Variants in CLEC16A observed in about 807,000 individuals in gnomAD.
CLEC16A encodes the protein C-type lectin domain containing 16A.
A neutral mutation model predicts 109.5 loss-of-function variants in CLEC16A; 51 were observed. The ratio of observed to expected loss-of-function variants is 0.47; its 90% confidence interval spans 0.37 to 0.59. The LOEUF is 0.59. CLEC16A is among the 20% of genes least tolerant of loss of function. The pLI, the probability that CLEC16A is intolerant of heterozygous loss-of-function variation, is 0.00. For missense variants in CLEC16A, 1,339 were observed against 1,394.0 expected, an observed-to-expected ratio of 0.96 and a Z score of 0.63; for synonymous variants, 673 against 564.2, an observed-to-expected ratio of 1.19 and a Z score of -2.73.
At chr16:11,027,794 G>A (rs540630936) in intron 13 of CLEC16A, 2 of 920,958 alleles carry the variant, frequency 2.2e-6, no homozygotes, top group East Asian at 2.5e-5. Flanking sequence ...GTATATTTTT[G>A]ATCAATGAAG....
chr16:11,178,986 G>A lies in CLEC16A; in HGVS notation c.*296G>A, dbSNP rs1052727695. The A allele has an allele frequency of 2.8e-6, 1 of 361,726 alleles. No individual in the cohort carries two copies. Among genetic ancestry groups the A allele is most frequent in the Non-Finnish European group, 5.0e-6 (1 of 201,890 alleles). The allele number at this position is 361,726 out of a possible 1,614,324, so 22.4% of individuals were successfully genotyped here. The stretch of plus-strand genomic sequence containing the variant: ...TGGGCTCCGTGTCTCTGAGCCCCGG[G>A]TGGCAGGACCCACCGGCACCTCTTT... On this transcript the variant is annotated 3_prime_UTR_variant, in exon 24 of 24. Coordinates refer to ENST00000409790, the MANE Select transcript of CLEC16A (RefSeq NM_015226.3). The surrounding 1 kb of genome is among the most constrained non-coding windows in gnomAD (Gnocchi z 6.5).
At chr16:11,157,370 C>A (rs1049445551) in intron 22 of CLEC16A, 31 of 349,024 alleles carry the variant, frequency 8.9e-5, no homozygotes, top group African/African-American at 6.5e-4. Context: ...GAAGTGGCTT[C>A]TTCAGCACCA....
In CLEC16A at chr16:11,180,354, A is replaced by G. The variant is rs1392648893; in HGVS notation, c.*1664A>G. Reference sequence around the variant, plus strand: ...CCACCCAGCCTTCATGGCTGCAGGTACAAGGACCTTTGCTTCCATAGAGAA... The same window carrying G: ...CCACCCAGCCTTCATGGCTGCAGGTGCAAGGACCTTTGCTTCCATAGAGAA... On this transcript the variant is annotated 3_prime_UTR_variant, in exon 24 of 24. Transcript: ENST00000409790. The G allele has an allele frequency of 2.0e-5, 3 of 152,328 alleles. No homozygotes were observed. The highest frequency in any genetic ancestry group is 4.4e-5 in the Non-Finnish European group (3 of 68,114). The allele number at this position is 152,328 out of a possible 1,614,324, so 9.4% of individuals were successfully genotyped here.
intron 23 of CLEC16A, among the ~76,000 whole-genome samples, chr16:11,170,851 G>A (rs540207683): frequency 1.3e-5 from 2 of 152,328 alleles, no homozygotes; most frequent in South Asian, 4.1e-4. Context: ...TACAAACCGT[G>A]ACAAAGGAAA....
chr16:11,149,403 T>C (rs2054203090), intron 22 of CLEC16A, among the ~76,000 whole-genome samples: 1 of 152,114 alleles, frequency 6.6e-6, no homozygotes, highest in African/African-American at 2.4e-5. Flanking sequence ...GAAGAAAGCA[T>C]TGTTAATATT....
chr16:11,095,965 C>G (rs569286005), intron 19 of CLEC16A, among the ~76,000 whole-genome samples: 1 of 152,144 alleles, frequency 6.6e-6, no homozygotes, highest in Non-Finnish European at 1.5e-5. Flanking sequence ...GCTAGGACTG[C>G]AGGTGCACAC....
chr16:10,984,927 C>A (rs959914817), intron 10 of CLEC16A, among the ~76,000 whole-genome samples: 1 of 152,140 alleles, frequency 6.6e-6, no homozygotes, highest in Admixed American at 6.5e-5. Context: ...GCCCGCTGGG[C>A]ACGGTGGCTC....
intron 11 of CLEC16A, among the ~76,000 whole-genome samples, chr16:11,017,365 G>A (rs2045821965): frequency 6.6e-6 from 1 of 152,160 alleles, no homozygotes; most frequent in Admixed American, 6.5e-5. Flanking sequence ...CAGTAAAGAA[G>A]CAGAACAATA....
intron 5 of CLEC16A, 76 bp from the exon 6 acceptor site, chr16:10,972,478 C>G: frequency 7.1e-7 from 1 of 1,404,232 alleles, no homozygotes; most frequent in Non-Finnish European, 1.0e-6. Flanking sequence ...TCTCACCTTC[C>G]CAGGTCCTAA....
Position 11,174,011 on chromosome 16 carries a change from C to T in CLEC16A, c.2807-4324C>T, listed in dbSNP as rs562679308. On this transcript the variant is annotated intron_variant, in intron 23 of 23. Coordinates refer to ENST00000409790, the MANE Select transcript of CLEC16A (RefSeq NM_015226.3). This position sits in a 1 kb window ranked among gnomAD's most constrained non-coding sequence, Gnocchi z 4.7. Reference sequence around the variant, plus strand: ...CCAGCGCCCCATGCACCGGTGGCCACAAGCCCATGCTGGGCACTGCCCCAC... The same window carrying T: ...CCAGCGCCCCATGCACCGGTGGCCATAAGCCCATGCTGGGCACTGCCCCAC... 4 of 353,394 alleles carry T rather than the reference C, an allele frequency of 1.1e-5. No homozygotes were observed. 21.9% of individuals were successfully genotyped at this position (353,394 alleles called of 1,614,324 possible). A position where few individuals can be genotyped will look rare whatever the true frequency, so the allele number is the denominator to read the frequency against.
At chr16:11,018,413 G>A (rs2045894229) in intron 11 of CLEC16A, among the ~76,000 whole-genome samples, 4 of 152,106 alleles carry the variant, frequency 2.6e-5, no homozygotes, top group African/African-American at 7.2e-5. Flanking sequence ...TGGTGTGAGA[G>A]CCTTCCAGGC....
At chr16:11,103,780 C>G (rs9924707) in intron 19 of CLEC16A, among the ~76,000 whole-genome samples, 4,302 of 152,114 alleles carry the variant, frequency 0.028, 211 homozygotes, top group African/African-American at 0.098. Flanking sequence ...CTCTGTGGTC[C>G]TCTTTGCCAA....
intron 19 of CLEC16A, among the ~76,000 whole-genome samples, chr16:11,078,004 TG>T (rs2049485400): frequency 1.3e-5 from 2 of 149,932 alleles, no homozygotes; most frequent in Non-Finnish European, 3.0e-5. Context: ...TGTGTGTGTG[TG>T]TGTGTTTAGA....
chr16:11,058,698 C>G (rs1013628538), intron 18 of CLEC16A, among the ~76,000 whole-genome samples: 6 of 152,022 alleles, frequency 3.9e-5, no homozygotes, highest in African/African-American at 1.4e-4. Context: ...ATATTGGGAG[C>G]CAAATTCTGA....
chr16:11,016,420 C>T (rs1364922852), intron 11 of CLEC16A, among the ~76,000 whole-genome samples: 2 of 151,072 alleles, frequency 1.3e-5, no homozygotes, highest in African/African-American at 4.9e-5. Context: ...CCAATCTTGG[C>T]TCACTGCAAC....
At chr16:11,086,555 G>A (rs1030625682) in intron 19 of CLEC16A, among the ~76,000 whole-genome samples, 1 of 151,984 alleles carries the variant, frequency 6.6e-6, no homozygotes, top group Admixed American at 6.6e-5. Context: ...TTGTTTGTTT[G>A]TTTTGAGACG....
intron 19 of CLEC16A, among the ~76,000 whole-genome samples, chr16:11,090,094 C>A (rs899745355): frequency 2.6e-5 from 4 of 152,120 alleles, no homozygotes; most frequent in African/African-American, 9.7e-5. Context: ...TTATTTAGTT[C>A]TCCACCAAAC....
At chr16:11,052,840 G>A (rs1008711963) in intron 18 of CLEC16A, among the ~76,000 whole-genome samples, 1 of 152,180 alleles carries the variant, frequency 6.6e-6, no homozygotes, top group Non-Finnish European at 1.5e-5. Context: ...AAGGTCCAGA[G>A]GACTGAACGC....
chr16:11,086,528 G>A lies in CLEC16A; in HGVS notation c.2116+25506G>A, dbSNP rs2050018069. 4.6e-5 allele frequency among the ~76,000 whole-genome samples: 7 copies of A among 152,238 alleles called. No homozygotes were observed. The South Asian group carries it at 1.5e-3, about 32-fold the overall frequency. On this transcript the variant is annotated intron_variant, in intron 19 of 23. Coordinates refer to ENST00000409790, the MANE Select transcript of CLEC16A (RefSeq NM_015226.3). ...TTCAGATGGGGATGGTGAGAGCCGAGACATTATTTTGTTTGTTTGTTTGTT... is the reference window on the plus strand; with the variant it reads ...TTCAGATGGGGATGGTGAGAGCCGAAACATTATTTTGTTTGTTTGTTTGTT...
Sources: allele counts gnomAD v4.1 joint callset (sites outside exome capture counted in the v4.1 genomes callset), GRCh38; gene constraint gnomAD v4.1.1; non-coding constraint Gnocchi (gnomAD v3.1); transcripts MANE v1.5; gene names NCBI Gene and HGNC (gene_info 2026-07-23, HGNC 2026-07-21).